NXPH2: variants seen among roughly 807,000 people sequenced by gnomAD.
The protein encoded by NXPH2 is neurexophilin 2, also known as neurexophilin-2.
Under a neutral mutation model 19.8 loss-of-function variants are expected in NXPH2, and 5 were observed. That is an observed-to-expected ratio of 0.25 (90% CI 0.13 to 0.53). NXPH2 has a LOEUF of 0.53. Ranked by LOEUF, NXPH2 falls within the 20% of genes least tolerant of loss-of-function variation. The pLI, the probability that NXPH2 is intolerant of heterozygous loss-of-function variation, is 0.96. For synonymous variants in NXPH2, 154 were observed against 127.4 expected (o/e 1.21, Z -1.41); for missense variants, 289 against 322.8 (o/e 0.90, Z 0.80).
intron 1 of NXPH2, among the ~76,000 whole-genome samples, chr2:138,708,618 ATACTC>A (rs1348073751): frequency 6.6e-6 from 1 of 152,194 alleles, no homozygotes; most frequent in Non-Finnish European, 1.5e-5. Flanking sequence ...TTAGTTCTGA[ATACTC>A]TATATAGCAG....
At chr2:138,740,739 T>A (rs1681630731) in intron 1 of NXPH2, among the ~76,000 whole-genome samples, 1 of 152,000 alleles carries the variant, frequency 6.6e-6, no homozygotes, top group African/African-American at 2.4e-5. Context: ...TATTGCGTTG[T>A]AAAGTTTAAA....
intron 1 of NXPH2, among the ~76,000 whole-genome samples, chr2:138,738,859 C>T (rs1303055457): frequency 6.6e-6 from 1 of 152,212 alleles, no homozygotes; most frequent in African/African-American, 2.4e-5. Context: ...GGAACTTTGT[C>T]TCTCATCAGC....
intron 1 of NXPH2, among the ~76,000 whole-genome samples, chr2:138,679,183 G>C (rs2104967988): frequency 6.6e-6 from 1 of 152,244 alleles, no homozygotes; most frequent in South Asian, 2.1e-4. Flanking sequence ...TTAAAACTTT[G>C]AGCTTCTGGG....
intron 1 of NXPH2, among the ~76,000 whole-genome samples, chr2:138,721,985 AAG>A (rs1419256444): frequency 6.6e-6 from 1 of 152,204 alleles, no homozygotes; most frequent in Non-Finnish European, 1.5e-5. Flanking sequence ...ATTCAGTAGA[AAG>A]AGCACAGGCT....
chr2:138,723,394 A>G (rs1321382927), intron 1 of NXPH2, among the ~76,000 whole-genome samples: 1 of 152,350 alleles, frequency 6.6e-6, no homozygotes, highest in South Asian at 2.1e-4. Flanking sequence ...AGGGGAAAAA[A>G]TCAGCCCATT....
chr2:138,779,386 A>G (rs1682313804), intron 1 of NXPH2, among the ~76,000 whole-genome samples: 4 of 152,334 alleles, frequency 2.6e-5, no homozygotes, highest in South Asian at 2.1e-4. Context: ...ACATAGGCGT[A>G]TATCAGGAGG....
At chr2:138,686,669 T>A in intron 1 of NXPH2, among the ~76,000 whole-genome samples, 1 of 152,200 alleles carries the variant, frequency 6.6e-6, no homozygotes, top group East Asian at 1.9e-4. Context: ...GTCATTTACA[T>A]TAGGTATATC....
At chr2:138,704,387 T>C (rs4074049) in intron 1 of NXPH2, among the ~76,000 whole-genome samples, 75,991 of 151,770 alleles carry the variant, frequency 0.5, 21,158 homozygotes, top group South Asian at 0.75. Flanking sequence ...ATCAGCAGTC[T>C]AAGATAGATA....
chr2:138,681,205 T>A (rs1558912227), intron 1 of NXPH2, among the ~76,000 whole-genome samples: 1 of 152,224 alleles, frequency 6.6e-6, no homozygotes, highest in Admixed American at 6.5e-5. Flanking sequence ...TTAAAAAGAA[T>A]ACTCTGAAAC....
chr2:138,772,289 T>A (rs966130558), intron 1 of NXPH2, among the ~76,000 whole-genome samples: 2 of 139,652 alleles, frequency 1.4e-5, no homozygotes, highest in Non-Finnish European at 3.1e-5. Flanking sequence ...CTCCATGAGG[T>A]TAAATTTTAT....
At chr2:138,758,264 G>A (rs971526670) in intron 1 of NXPH2, among the ~76,000 whole-genome samples, 2 of 152,040 alleles carry the variant, frequency 1.3e-5, no homozygotes, top group Non-Finnish European at 2.9e-5. Flanking sequence ...CTATTAAATA[G>A]TATTACTGAG....
At chr2:138,691,369 A>G (rs574030541) in intron 1 of NXPH2, among the ~76,000 whole-genome samples, 98 of 152,316 alleles carry the variant, frequency 6.4e-4, no homozygotes, top group African/African-American at 2.2e-3. Context: ...ATTCCATAGC[A>G]TCTGAAAATG....
chr2:138,688,693 T>A (rs1005775469), intron 1 of NXPH2, among the ~76,000 whole-genome samples: 1 of 152,158 alleles, frequency 6.6e-6, no homozygotes, highest in African/African-American at 2.4e-5. Context: ...GCAATAAGGA[T>A]CTTATGACAA....
At chr2:138,683,912 G>C (rs1224275257) in intron 1 of NXPH2, among the ~76,000 whole-genome samples, 2 of 152,142 alleles carry the variant, frequency 1.3e-5, no homozygotes, top group Non-Finnish European at 2.9e-5. Context: ...ATTTTTACAA[G>C]ATCCTACATA....
intron 1 of NXPH2, among the ~76,000 whole-genome samples, chr2:138,711,716 C>G (rs1681108101): frequency 1.3e-5 from 2 of 152,192 alleles, no homozygotes; most frequent in South Asian, 4.1e-4. Context: ...TATCTCCTAA[C>G]AGACATGTCC....
At chr2:138,712,012 C>G (rs1289597229) in intron 1 of NXPH2, among the ~76,000 whole-genome samples, 1 of 152,176 alleles carries the variant, frequency 6.6e-6, no homozygotes, top group Non-Finnish European at 1.5e-5. Flanking sequence ...GGTTTCATAG[C>G]ACCTTGGGAC....
intron 1 of NXPH2, among the ~76,000 whole-genome samples, chr2:138,758,895 T>A (rs1681957191): frequency 6.6e-6 from 1 of 152,204 alleles, no homozygotes; most frequent in South Asian, 2.1e-4. Flanking sequence ...AATATGCTTA[T>A]GTCATGAAAG....
intron 1 of NXPH2, among the ~76,000 whole-genome samples, chr2:138,706,766 G>C (rs1319206062): frequency 6.6e-6 from 1 of 151,770 alleles, no homozygotes; most frequent in Non-Finnish European, 1.5e-5. Context: ...AGGCAGGTGT[G>C]GTAGTGTGTA....
At chr2:138,696,146 C>G (rs1412115548) in intron 1 of NXPH2, among the ~76,000 whole-genome samples, 1 of 152,130 alleles carries the variant, frequency 6.6e-6, no homozygotes, top group Admixed American at 6.6e-5. Flanking sequence ...TAAACAAGTA[C>G]AATCTTCCCA....
Sources: allele counts gnomAD v4.1 joint callset (sites outside exome capture counted in the v4.1 genomes callset), GRCh38; gene constraint gnomAD v4.1.1; transcripts MANE v1.5; gene names NCBI Gene and HGNC (gene_info 2026-07-23, HGNC 2026-07-21).